The following CHD9 variants were observed in gnomAD, a reference collection of about 807,000 sequenced individuals.
CHD9 encodes the protein ATP-dependent chromatin remodeler CHD9.
Under a neutral mutation model 316.1 loss-of-function variants are expected in CHD9, and 77 were observed. The ratio of observed to expected loss-of-function variants is 0.24; its 90% confidence interval spans 0.20 to 0.29. CHD9 has a LOEUF of 0.29. CHD9 is among the 10% of genes least tolerant of loss of function. The pLI, the probability that CHD9 is intolerant of heterozygous loss-of-function variation, is 1.00. For synonymous variants in CHD9, 1,129 were observed against 1,158.3 expected (o/e 0.97, Z 0.51); for missense variants, 2,763 against 3,438.1 (o/e 0.80, Z 4.91).
At chr16:53,233,665 C>G (rs898293353) in intron 10 of CHD9, among the ~76,000 whole-genome samples, 1 of 152,108 alleles carries the variant, frequency 6.6e-6, no homozygotes, top group African/African-American at 2.4e-5. Context: ...TCTAATCATG[C>G]CTTTGTCCTT....
At chr16:53,208,009 A>G in intron 2 of CHD9, 3 of 995,340 alleles carry the variant, frequency 3.0e-6, no homozygotes, top group Non-Finnish European at 3.6e-6. Context: ...ATGCATTTTG[A>G]TGCTTTGTGC....
chr16:53,147,037 A>G (rs946168094), intron 1 of CHD9, among the ~76,000 whole-genome samples: 3 of 152,294 alleles, frequency 2.0e-5, no homozygotes, highest in East Asian at 1.9e-4. Flanking sequence ...GTGTGCTACT[A>G]TTTAGTAGAT....
chr16:53,227,571 T>C lies in CHD9; in HGVS notation c.2136T>C (p.Asp712=). Residue 712 remains aspartate (D), a synonymous_variant, in exon 7 of 39, where the codon GAT becomes GAC. Transcript: ENST00000447540. ...AGATATCACCTGGAGTGATGATTGATACAGAAGAATTTTTTGTAAAATACA... is the reference window on the plus strand; with the variant it reads ...AGATATCACCTGGAGTGATGATTGACACAGAAGAATTTTTTGTAAAATACA... ...KKEISPGVMI[D]TEEFFVKYKN... is the part of the protein sequence containing the mutation. The C allele has an allele frequency of 7.2e-7, 1 of 1,394,532 alleles. No individual in the cohort carries two copies. Among genetic ancestry groups the C allele is most frequent in the Non-Finnish European group, 9.6e-7 (1 of 1,044,138 alleles). 86.4% of individuals were successfully genotyped at this position (1,394,532 alleles called of 1,614,324 possible). A position where few individuals can be genotyped will look rare whatever the true frequency, so the allele number is the denominator to read the frequency against.
chr16:53,305,815 A>G (rs1268980191), intron 31 of CHD9, among the ~76,000 whole-genome samples: 1 of 152,196 alleles, frequency 6.6e-6, no homozygotes, highest in African/African-American at 2.4e-5. Context: ...CGCAAGAAAC[A>G]TGCCCAATTC....
In CHD9 at chr16:53,156,803, A is replaced by T. The variant is rs776964626; in HGVS notation, c.714A>T (p.Ser238=). The T allele has an allele frequency of 8.1e-6, 13 of 1,613,752 alleles. No homozygotes were observed. The East Asian group carries it at 2.5e-4, about 30-fold the overall frequency. ...AATTTTCTCAAACGTCAAATCCTTCAGCACACTTCCACAAGTGTAGCAGTC... is the reference window on the plus strand; with the variant it reads ...AATTTTCTCAAACGTCAAATCCTTCTGCACACTTCCACAAGTGTAGCAGTC... ...MQQFSQTSNP[S]AHFHKCSSHQ... The change falls in exon 2 of 39, where the codon TCA becomes TCT. Residue 238 remains serine (S), a synonymous_variant. Transcript: ENST00000447540.
intron 3 of CHD9, among the ~76,000 whole-genome samples, chr16:53,219,947 T>C (rs1001741638): frequency 6.6e-6 from 1 of 152,196 alleles, no homozygotes; most frequent in African/African-American, 2.4e-5. Context: ...GTTGAGATTA[T>C]AGTTGGTTGA....
chr16:53,101,149 C>G (rs1596988313), intron 1 of CHD9, among the ~76,000 whole-genome samples: 1 of 152,016 alleles, frequency 6.6e-6, no homozygotes, highest in Non-Finnish European at 1.5e-5. Flanking sequence ...TACACATTAC[C>G]GACAGATTAG....
At chr16:53,185,587 T>C (rs1284243864) in intron 2 of CHD9, among the ~76,000 whole-genome samples, 1 of 152,188 alleles carries the variant, frequency 6.6e-6, no homozygotes, top group African/African-American at 2.4e-5. Flanking sequence ...AGGAGTCGAA[T>C]GTTAATCAAG....
At chr16:53,274,151 T>C in intron 23 of CHD9, 62 bp from the exon 24 acceptor site, 1 of 987,130 alleles carries the variant, frequency 1.0e-6, no homozygotes, top group Non-Finnish European at 1.6e-6. Context: ...TTTAACCCCA[T>C]GTCCGAATAT....
At chr16:53,218,550 C>A (rs1044466903) in intron 3 of CHD9, among the ~76,000 whole-genome samples, 3 of 152,096 alleles carry the variant, frequency 2.0e-5, no homozygotes, top group African/African-American at 7.2e-5. Flanking sequence ...TAATCATTAA[C>A]CCTTATGCTA....
intron 2 of CHD9, among the ~76,000 whole-genome samples, chr16:53,178,243 C>T (rs376095931): frequency 2.0e-4 from 31 of 152,132 alleles, no homozygotes; most frequent in African/African-American, 6.3e-4. Flanking sequence ...ATGTAAAAGC[C>T]GGTGTTTTCT....
At position 53,156,070 on chromosome 16, in the gene CHD9, A is replaced by T; in HGVS notation, c.-20A>T. 1 of 1,601,356 alleles carries T rather than the reference A, an allele frequency of 6.2e-7. No individual in the cohort carries two copies. Among genetic ancestry groups the T allele is most frequent in the Non-Finnish European group, 8.5e-7 (1 of 1,173,572 alleles). ...ACTCCATTTGGAGTGAACAGCCCGG[A>T]TTGTTACAGAATTTTCAAGATGACA... is the stretch of plus-strand genomic sequence containing the variant. On this transcript the variant is annotated 5_prime_UTR_variant, in exon 2 of 39. Coordinates refer to ENST00000447540, the MANE Select transcript of CHD9 (RefSeq NM_001308319.2).
At chr16:53,111,355 T>C (rs932409545) in intron 1 of CHD9, among the ~76,000 whole-genome samples, 1 of 152,326 alleles carries the variant, frequency 6.6e-6, no homozygotes, top group East Asian at 1.9e-4. Flanking sequence ...GTTTCCACTT[T>C]TCTGTTTTAC....
chr16:53,167,325 T>G (rs903026986), intron 2 of CHD9, among the ~76,000 whole-genome samples: 1 of 152,210 alleles, frequency 6.6e-6, no homozygotes, highest in African/African-American at 2.4e-5. Flanking sequence ...AAATGTTGAC[T>G]TTTTAGCTCT....
At chr16:53,230,794 C>G (rs939394919) in intron 8 of CHD9, among the ~76,000 whole-genome samples, 4 of 151,970 alleles carry the variant, frequency 2.6e-5, no homozygotes, top group Non-Finnish European at 5.9e-5. Flanking sequence ...GAACCAATCT[C>G]AGAGTTAAAA....
intron 10 of CHD9, among the ~76,000 whole-genome samples, 200 bp downstream of exon 10, chr16:53,231,984 G>A (rs183885903): frequency 2.6e-5 from 4 of 152,248 alleles, no homozygotes; most frequent in Admixed American, 1.3e-4. Flanking sequence ...TGATTAGCAC[G>A]AGAGTGAGGA....
chr16:53,104,747 G>T (rs1446635226), intron 1 of CHD9, among the ~76,000 whole-genome samples: 7 of 151,574 alleles, frequency 4.6e-5, no homozygotes. Flanking sequence ...AGGAGGCGGA[G>T]GTTGCAGTGA....
At chr16:53,200,390 A>AAC (rs1555507096) in intron 2 of CHD9, among the ~76,000 whole-genome samples, 9 of 143,436 alleles carry the variant, frequency 6.3e-5, no homozygotes, top group African/African-American at 2.4e-4. Flanking sequence ...AAAAAAAAAA[A>AAC]CCACAAAAAT....
chr16:53,229,107 A>G lies in CHD9; in HGVS notation c.2286+7A>G. On this transcript the variant is annotated splice_region_variant and intron_variant, in intron 8 of 38. Transcript: ENST00000447540. ...AGCACATTTTTTTGCAGACGTAAGAAAAAAATAAATAAGACTATTATGTGT... is the reference window on the plus strand; with the variant it reads ...AGCACATTTTTTTGCAGACGTAAGAGAAAAATAAATAAGACTATTATGTGT... 2.7e-6 allele frequency: 4 copies of G among 1,457,474 alleles called. No individual in the cohort carries two copies. The highest frequency in any genetic ancestry group is 3.8e-6 in the Non-Finnish European group (4 of 1,059,602). 90.3% of individuals were successfully genotyped at this position (1,457,474 alleles called of 1,614,324 possible).
Sources: allele counts gnomAD v4.1 joint callset (sites outside exome capture counted in the v4.1 genomes callset), GRCh38; gene constraint gnomAD v4.1.1; transcripts MANE v1.5; gene names NCBI Gene and HGNC (gene_info 2026-07-23, HGNC 2026-07-21).